Variants in MAPK10 observed in about 807,000 individuals in gnomAD.
The protein encoded by MAPK10 is JNK3 alpha protein kinase.
MAPK10 carries 25 observed loss-of-function variants against 59.3 expected under a neutral mutation model. The observed-to-expected ratio is 0.42, with a 90% CI of 0.31 to 0.59. The LOEUF is 0.59. Ranked by LOEUF, MAPK10 falls within the 20% of genes least tolerant of loss-of-function variation. The pLI, the probability that MAPK10 is intolerant of heterozygous loss-of-function variation, is 0.15. For synonymous variants in MAPK10, 190 were observed against 200.5 expected, an observed-to-expected ratio of 0.95 and a Z score of 0.44; for missense variants, 351 against 568.9, an observed-to-expected ratio of 0.62 and a Z score of 3.90.
intron 2 of MAPK10, among the ~76,000 whole-genome samples, chr4:86,201,853 C>A (rs1008325888): frequency 6.6e-6 from 1 of 151,588 alleles, no homozygotes; most frequent in African/African-American, 2.4e-5. Context: ...AGAGTTAACA[C>A]CCTACATTTT....
At chr4:86,374,076 GA>G (rs1046272226) in intron 1 of MAPK10, among the ~76,000 whole-genome samples, 11 of 151,634 alleles carry the variant, frequency 7.3e-5, no homozygotes, top group South Asian at 2.1e-4. Context: ...TATGCAGCCA[GA>G]AAAAAAAGGA....
chr4:86,263,402 C>T (rs1242581042), intron 2 of MAPK10, among the ~76,000 whole-genome samples: 2 of 152,140 alleles, frequency 1.3e-5, no homozygotes, highest in Non-Finnish European at 2.9e-5. Flanking sequence ...ATTGGTGCTC[C>T]TGTTTCTCCT....
intron 3 of MAPK10, among the ~76,000 whole-genome samples, chr4:86,189,136 G>T (rs1192242413): frequency 5.3e-5 from 8 of 152,124 alleles, no homozygotes; most frequent in Admixed American, 1.3e-4. Context: ...ATGCTGTTTT[G>T]GTTACTGTAG....
chr4:86,418,211 T>TA (rs770258515), intron 1 of MAPK10, among the ~76,000 whole-genome samples: 17 of 152,302 alleles, frequency 1.1e-4, no homozygotes, highest in Non-Finnish European at 1.8e-4. Flanking sequence ...TTTAACAGCA[T>TA]ATTGAGAGCA....
chr4:86,265,147 C>A (rs1423006370), intron 2 of MAPK10, among the ~76,000 whole-genome samples: 1 of 151,976 alleles, frequency 6.6e-6, no homozygotes, highest in Non-Finnish European at 1.5e-5. Flanking sequence ...CCTCGGCCTC[C>A]CAATGACCCT....
chr4:86,418,528 A>C (rs991169156), intron 1 of MAPK10, among the ~76,000 whole-genome samples: 1 of 152,252 alleles, frequency 6.6e-6, no homozygotes, highest in African/African-American at 2.4e-5. Flanking sequence ...TAGCAACTGC[A>C]AACTACTCAA....
intron 2 of MAPK10, among the ~76,000 whole-genome samples, chr4:86,206,512 G>C (rs1166630440): frequency 6.6e-6 from 1 of 152,084 alleles, no homozygotes; most frequent in Non-Finnish European, 1.5e-5. Context: ...ACATACGTGT[G>C]CATGTGTCTT....
chr4:86,554,531 C>T (rs1201589125), intron 1 of MAPK10, among the ~76,000 whole-genome samples: 1 of 152,142 alleles, frequency 6.6e-6, no homozygotes, highest in East Asian at 1.9e-4. Flanking sequence ...CCTCTTACCA[C>T]CCACACCCAA....
In MAPK10 at chr4:86,460,333, G is replaced by C. The variant is rs114770423; in HGVS notation, c.-262-105689C>G. 5.2e-3 allele frequency among the ~76,000 whole-genome samples: 791 copies of C among 152,308 alleles called. 3 individuals carry two copies. The highest frequency in any genetic ancestry group is 7.3e-3 in the Non-Finnish European group (499 of 68,034). ...TGAAGAAGCCAATGCCTTGGTTCTG[G>C]AAGGCAGGGCCAGGAGAGAAGGCAT... On this transcript the variant is annotated intron_variant, in intron 1 of 4. Transcript: ENST00000502302.
chr4:86,350,120 C>T (rs1306125186), intron 2 of MAPK10, among the ~76,000 whole-genome samples: 3 of 152,070 alleles, frequency 2.0e-5, no homozygotes, highest in South Asian at 2.1e-4. Flanking sequence ...GGTGCAATCT[C>T]GATTCAATGC....
intron 1 of MAPK10, among the ~76,000 whole-genome samples, chr4:86,395,107 C>T (rs997577911): frequency 1.3e-5 from 2 of 152,128 alleles, no homozygotes; most frequent in Admixed American, 6.6e-5. Context: ...CTTCAATATT[C>T]CATAAAGCTA....
At chr4:86,586,657 A>C (rs1337054622) in intron 1 of MAPK10, among the ~76,000 whole-genome samples, 1 of 152,202 alleles carries the variant, frequency 6.6e-6, no homozygotes, top group Admixed American at 6.5e-5. Context: ...CTAGCCAAAA[A>C]ATTTAGGTGA....
chr4:86,017,519 G>A lies in MAPK10; in HGVS notation c.1253-149C>T, dbSNP rs891710188. 12 of 742,046 alleles carry A rather than the reference G, an allele frequency of 1.6e-5. No homozygotes were observed. The highest frequency in any genetic ancestry group is 2.5e-5 in the Non-Finnish European group (11 of 448,318). 46.0% of individuals were successfully genotyped at this position (742,046 alleles called of 1,614,324 possible). Reference sequence around the variant, plus strand: ...CCTTTATAGAGCAGCTGACATAGGGGAGCATATCAAATGGTGACAATCAAG... The same window carrying A: ...CCTTTATAGAGCAGCTGACATAGGGAAGCATATCAAATGGTGACAATCAAG... On this transcript the variant is annotated intron_variant, in intron 13 of 13. Transcript: ENST00000641462. The surrounding 1 kb of genome is among the most constrained non-coding windows in gnomAD (Gnocchi z 4.4).
At chr4:86,452,521 G>A (rs866162187) in intron 1 of MAPK10, among the ~76,000 whole-genome samples, 3 of 148,100 alleles carry the variant, frequency 2.0e-5, no homozygotes, top group East Asian at 2.0e-4. Context: ...CAATGCGCAC[G>A]CACACACACA....
chr4:86,089,675 T>A, intron 9 of MAPK10: 1 of 153,876 alleles, frequency 6.5e-6, no homozygotes, highest in Non-Finnish European at 1.4e-5. Context: ...TGTATACGTA[T>A]TTGAAAAAAG....
At chr4:86,520,640 A>G (rs937138993) in intron 1 of MAPK10, among the ~76,000 whole-genome samples, 10 of 152,252 alleles carry the variant, frequency 6.6e-5, no homozygotes, top group Admixed American at 5.9e-4. Flanking sequence ...CTTGGTTTGA[A>G]GCCATAGCTG....
intron 1 of MAPK10, among the ~76,000 whole-genome samples, chr4:86,437,018 C>T (rs999883434): frequency 2.0e-5 from 3 of 152,018 alleles, no homozygotes; most frequent in Non-Finnish European, 4.4e-5. Flanking sequence ...CGAGACCATC[C>T]TGGCTAACAC....
At chr4:86,140,808 T>G (rs529790454) in intron 4 of MAPK10, among the ~76,000 whole-genome samples, 2 of 152,244 alleles carry the variant, frequency 1.3e-5, no homozygotes, top group African/African-American at 4.8e-5. Flanking sequence ...CATGCACGCA[T>G]AACTATTGGC....
chr4:86,257,803 T>C (rs1242453584), intron 2 of MAPK10, among the ~76,000 whole-genome samples: 2 of 152,204 alleles, frequency 1.3e-5, no homozygotes, highest in African/African-American at 4.8e-5. Flanking sequence ...CCTTTTCCCT[T>C]TAATCTCTCC....
Sources: gnomAD v4.1 joint callset for allele counts (sites outside exome capture counted in the v4.1 genomes callset) on GRCh38, gnomAD v4.1.1 for gene constraint, Gnocchi (gnomAD v3.1) non-coding constraint, MANE v1.5 for transcripts, NCBI Gene and HGNC (gene_info 2026-07-23, HGNC 2026-07-21) for gene names.